CAMSAP2: variants seen among roughly 807,000 people sequenced by gnomAD.
The protein encoded by CAMSAP2 is calmodulin-regulated spectrin-associated protein 2.
Under a neutral mutation model 146.1 loss-of-function variants are expected in CAMSAP2, and 26 were observed. The ratio of observed to expected loss-of-function variants is 0.18; its 90% CI spans 0.13 to 0.25. The LOEUF (loss-of-function observed/expected upper bound fraction) is 0.25, where lower values mean the gene tolerates loss of function less well. Among genes scored for constraint, CAMSAP2 ranks in the 10% least tolerant of loss-of-function variants. CAMSAP2 has a pLI of 1.00. For missense variants in CAMSAP2, 1,381 were observed against 1,759.3 expected, an observed-to-expected ratio of 0.78 and a Z score of 3.85; for synonymous variants, 499 against 596.6, an observed-to-expected ratio of 0.84 and a Z score of 2.38.
At chr1:200,841,415 T>G (rs1233955808) in intron 6 of CAMSAP2, among the ~76,000 whole-genome samples, 1 of 152,150 alleles carries the variant, frequency 6.6e-6, no homozygotes, top group Non-Finnish European at 1.5e-5. Flanking sequence ...CCCGGCTAGT[T>G]TTTTGTATCT....
At chr1:200,825,703 T>C (rs1175027087) in intron 4 of CAMSAP2, among the ~76,000 whole-genome samples, 1 of 152,134 alleles carries the variant, frequency 6.6e-6, no homozygotes, top group Non-Finnish European at 1.5e-5. Context: ...ACACGGGGTT[T>C]CGCCATGTTG....
At chr1:200,817,191 T>TACACATAA (rs71135399) in intron 4 of CAMSAP2, among the ~76,000 whole-genome samples, 9 of 133,528 alleles carry the variant, frequency 6.7e-5, no homozygotes, top group Non-Finnish European at 1.0e-4. Context: ...CACACACACA[T>TACACATAA]GTGTGTGTGT....
intron 7 of CAMSAP2, among the ~76,000 whole-genome samples, chr1:200,842,482 A>G (rs1301493486): frequency 6.6e-6 from 1 of 152,196 alleles, no homozygotes; most frequent in African/African-American, 2.4e-5. Context: ...GTTTGTATGG[A>G]TTTTTAAACC....
At chr1:200,853,000 T>TACACACACAC (rs67551824) in intron 12 of CAMSAP2, among the ~76,000 whole-genome samples, 3 of 147,592 alleles carry the variant, frequency 2.0e-5, no homozygotes, top group Admixed American at 7.0e-5. Context: ...TCCTGGGAGA[T>TACACACACAC]ACACACACAC....
At chr1:200,817,623 T>C (rs1290041509) in intron 4 of CAMSAP2, among the ~76,000 whole-genome samples, 1 of 152,202 alleles carries the variant, frequency 6.6e-6, no homozygotes, top group Non-Finnish European at 1.5e-5. Context: ...CTTATTCTTA[T>C]TCCACTATTC....
chr1:200,843,758 T>A (rs1667385673), intron 7 of CAMSAP2, among the ~76,000 whole-genome samples: 1 of 152,234 alleles, frequency 6.6e-6, no homozygotes. Flanking sequence ...TACCAGCTGT[T>A]TCATAAAGAA....
rs1208087596 is a variant in CAMSAP2 at position 200,831,978 on chromosome 1, A to C, written c.646-222A>C. 6 of 428,140 alleles carry C rather than the reference A, an allele frequency of 1.4e-5. No individual in the cohort carries two copies. The East Asian group carries it at 2.2e-4, about 16-fold the overall frequency. 26.5% of individuals were successfully genotyped at this position (428,140 alleles called of 1,614,324 possible). A position where few individuals can be genotyped will look rare whatever the true frequency, so the allele number is the denominator to read the frequency against. ...CAAATGTCAGTTAGTGTAAATTAGCAGTATGTTATATTAAGTATTGAGCTT... is the reference window on the plus strand; with the variant it reads ...CAAATGTCAGTTAGTGTAAATTAGCCGTATGTTATATTAAGTATTGAGCTT... On this transcript the variant is annotated intron_variant, in intron 4 of 16. Transcript: ENST00000358823.
intron 2 of CAMSAP2, among the ~76,000 whole-genome samples, chr1:200,766,294 C>CTGGGTCTGCAGACGTGCAG (rs1420281618): frequency 3.9e-5 from 6 of 151,920 alleles, no homozygotes; most frequent in Non-Finnish European, 8.8e-5. Context: ...CAGACGTGCA[C>CTGGGTCTGCAGACGTGCAG]CACCCCACCT....
At chr1:200,856,847 A>C (rs1441555927) in intron 15 of CAMSAP2, among the ~76,000 whole-genome samples, 2 of 152,220 alleles carry the variant, frequency 1.3e-5, no homozygotes, top group African/African-American at 4.8e-5. Flanking sequence ...TCCTACCGCC[A>C]GTCTGACAGC....
At chr1:200,748,400 A>G (rs959190967) in intron 1 of CAMSAP2, among the ~76,000 whole-genome samples, 1 of 152,244 alleles carries the variant, frequency 6.6e-6, no homozygotes, top group Non-Finnish European at 1.5e-5. Context: ...TCAAATCAAT[A>G]TGAACATTTC....
At chr1:200,775,238 G>C (rs1283210042) in intron 2 of CAMSAP2, among the ~76,000 whole-genome samples, 1 of 152,202 alleles carries the variant, frequency 6.6e-6, no homozygotes, top group East Asian at 1.9e-4. Context: ...TACTGGCTCT[G>C]ATGTAAGAGG....
chr1:200,807,237 A>G (rs1362908327), intron 2 of CAMSAP2, 139 bp from the exon 3 acceptor site: 2 of 557,180 alleles, frequency 3.6e-6, no homozygotes, highest in African/African-American at 1.9e-5. Context: ...AGCATGTACA[A>G]TTTATGCTTT....
chr1:200,817,243 CACACATATGTGTGTGTATATA>C, intron 4 of CAMSAP2, among the ~76,000 whole-genome samples: 1 of 11,456 alleles, frequency 8.7e-5, no homozygotes, highest in Non-Finnish European at 1.5e-4. Context: ...TACACACATA[CACACATATGTGTGTGTATATA>C]CACACATATA....
chr1:200,769,150 C>T (rs947821613), intron 2 of CAMSAP2, among the ~76,000 whole-genome samples: 2 of 152,084 alleles, frequency 1.3e-5, no homozygotes, highest in East Asian at 1.9e-4. Flanking sequence ...TTGAGAGCCT[C>T]GGGGTCTAGA....
At chr1:200,792,716 A>G (rs1184679740) in intron 2 of CAMSAP2, among the ~76,000 whole-genome samples, 1 of 152,254 alleles carries the variant, frequency 6.6e-6, no homozygotes, top group Non-Finnish European at 1.5e-5. Flanking sequence ...TTATATAAAC[A>G]TTCTTGAAAT....
At chr1:200,831,038 A>G (rs745988153) in intron 4 of CAMSAP2, among the ~76,000 whole-genome samples, 6 of 152,184 alleles carry the variant, frequency 3.9e-5, no homozygotes, top group Non-Finnish European at 8.8e-5. Flanking sequence ...TTATTCTCAC[A>G]AAAGTGTTTT....
At chr1:200,833,338 A>G (rs1329746332) in intron 6 of CAMSAP2, among the ~76,000 whole-genome samples, 1 of 152,214 alleles carries the variant, frequency 6.6e-6, no homozygotes, top group Non-Finnish European at 1.5e-5. Context: ...AGGTGGGCAG[A>G]TAGCTTGAGC....
chr1:200,848,859 T>C lies in CAMSAP2; in HGVS notation c.2090T>C (p.Leu697Pro). Reference protein sequence around the residue: ...TSFAEQKFRKLNHTDGKSSGS... With the variant: ...TSFAEQKFRKPNHTDGKSSGS... ...TTTGCTGAACAAAAATTCAGGAAAC[T>C]GAATCATACCGATGGAAAAAGTAGT... The change falls in exon 11 of 17, where the codon CTG becomes CCG. Residue 697 changes from leucine to proline, a missense_variant. Around this residue, in one of 4 missense-constraint regions of CAMSAP2, gnomAD observed 447 missense variants for 462.2 expected, o/e 0.97. Coordinates refer to ENST00000358823, the MANE Select transcript of CAMSAP2 (RefSeq NM_203459.4). 1 of 1,614,162 alleles carries C rather than the reference T, an allele frequency of 6.2e-7. No individual in the cohort carries two copies. The highest frequency in any genetic ancestry group is 8.5e-7 in the Non-Finnish European group (1 of 1,180,002).
In CAMSAP2 at chr1:200,859,388, T is replaced by C. The variant is rs1667827856; in HGVS notation, c.*1329T>C. 1 of 152,638 alleles carries C rather than the reference T, an allele frequency of 6.6e-6. No homozygotes were observed. Among genetic ancestry groups the C allele is most frequent in the Non-Finnish European group, 1.5e-5 (1 of 67,904 alleles). The allele number at this position is 152,638 out of a possible 1,614,324, so 9.5% of individuals were successfully genotyped here. On this transcript the variant is annotated 3_prime_UTR_variant, in exon 17 of 17. Transcript: ENST00000358823. ...AATATATACATTTCTCTAATTGAGT[T>C]GTTTAGAGAAAGAACTAATGTCTCA...
Sources: allele counts gnomAD v4.1 joint callset (sites outside exome capture counted in the v4.1 genomes callset), GRCh38; gene constraint gnomAD v4.1.1; regional missense constraint gnomAD v4.1.1; transcripts MANE v1.5; gene names NCBI Gene and HGNC (gene_info 2026-07-23, HGNC 2026-07-21).